The following TAFA2 variants were observed in gnomAD, a reference collection of about 807,000 sequenced individuals.
TAFA2 encodes chemokine-like protein TAFA-2.
Under a neutral mutation model 18.8 loss-of-function variants are expected in TAFA2, and 7 were observed. The ratio of observed to expected loss-of-function variants is 0.37; its 90% CI spans 0.21 to 0.70. The LOEUF (loss-of-function observed/expected upper bound fraction) is 0.70, where lower values mean the gene tolerates loss of function less well. TAFA2 is among the 30% of genes least tolerant of loss of function. The probability of loss-of-function intolerance (pLI) is 0.53; values close to 1 mark genes in which losing one functional copy is unlikely to be tolerated. For synonymous variants in TAFA2, 60 were observed against 54.2 expected (o/e 1.11, Z -0.47); for missense variants, 122 against 158.1 (o/e 0.77, Z 1.23).
chr12:61,920,293 C>T (rs1876996389), intron 1 of TAFA2, among the ~76,000 whole-genome samples: 1 of 152,082 alleles, frequency 6.6e-6, no homozygotes, highest in Non-Finnish European at 1.5e-5. Flanking sequence ...TTAATAGATG[C>T]AGAAAGAAGC....
chr12:61,752,304 T>C (rs1038698303), intron 4 of TAFA2, among the ~76,000 whole-genome samples: 13 of 152,002 alleles, frequency 8.6e-5, no homozygotes, highest in African/African-American at 3.1e-4. Flanking sequence ...AACAAAGAAT[T>C]TGGTTGTCAA....
intron 1 of TAFA2, among the ~76,000 whole-genome samples, chr12:61,877,892 A>C (rs758003509): frequency 1.6e-4 from 22 of 140,962 alleles, no homozygotes; most frequent in Non-Finnish European, 2.9e-4. Flanking sequence ...TGGATAAACA[A>C]ATTGTGATTT....
At chr12:62,247,504 G>A (rs1238351512) in intron 1 of TAFA2, among the ~76,000 whole-genome samples, 1 of 152,078 alleles carries the variant, frequency 6.6e-6, no homozygotes, top group Non-Finnish European at 1.5e-5. Flanking sequence ...CTACTTTACT[G>A]TGCATTACAA....
At chr12:62,000,170 G>T (rs1000951340) in intron 1 of TAFA2, among the ~76,000 whole-genome samples, 2 of 147,720 alleles carry the variant, frequency 1.4e-5, no homozygotes. Context: ...GTTAATAAAT[G>T]TGGCTGTTAT....
At chr12:61,890,612 T>C (rs1160416238) in intron 1 of TAFA2, among the ~76,000 whole-genome samples, 2 of 152,202 alleles carry the variant, frequency 1.3e-5, no homozygotes, top group African/African-American at 4.8e-5. Flanking sequence ...AACAAATAAG[T>C]AGCTACAGGG....
intron 1 of TAFA2, among the ~76,000 whole-genome samples, chr12:62,254,193 C>A (rs918756246): frequency 1.3e-5 from 2 of 152,130 alleles, no homozygotes; most frequent in African/African-American, 4.8e-5. Context: ...AATTTAGTAG[C>A]TGCTCTGGTC....
intron 1 of TAFA2, among the ~76,000 whole-genome samples, chr12:62,034,340 T>G (rs1881544275): frequency 6.6e-6 from 1 of 152,144 alleles, no homozygotes; most frequent in Non-Finnish European, 1.5e-5. Flanking sequence ...AGTCAAATGT[T>G]TATTAGATTT....
intron 2 of TAFA2, among the ~76,000 whole-genome samples, chr12:61,861,073 C>A (rs1184969116): frequency 6.6e-6 from 1 of 151,910 alleles, no homozygotes; most frequent in Admixed American, 6.5e-5. Context: ...ACCTCAACCT[C>A]TGGAGAAGCT....
At chr12:62,109,163 G>GT (rs1383324707) in intron 1 of TAFA2, among the ~76,000 whole-genome samples, 3 of 152,182 alleles carry the variant, frequency 2.0e-5, no homozygotes, top group Non-Finnish European at 4.4e-5. Context: ...TGTATAAGGT[G>GT]TAAGGAAGGG....
chr12:62,174,637 CATCTAAA>C lies in TAFA2; in HGVS notation c.-2+16615_-2+16621del, dbSNP rs1044823331. Among the ~76,000 whole-genome samples the C allele has an allele frequency of 2.7e-4, 41 of 152,212 alleles. 1 individual carries two copies. Among genetic ancestry groups the C allele is most frequent in the East Asian group, 2.3e-3 (12 of 5,178 alleles). On this transcript the variant is annotated intron_variant, in intron 1 of 4. Coordinates refer to ENST00000416284, the MANE Select transcript of TAFA2 (RefSeq NM_178539.5). ...AAGAAAGATAATTTAATAAAGGGTC[CATCTAAA>C]ATTTGAATGCCCTCAAAATAATGCT...
At chr12:61,740,856 G>GAA (rs375897192) in intron 4 of TAFA2, among the ~76,000 whole-genome samples, 46,627 of 143,294 alleles carry the variant, frequency 0.33, 7,408 homozygotes, top group South Asian at 0.38. Context: ...TACTTAATAG[G>GAA]AAAAAAAAAA....
At chr12:62,010,058 C>T (rs973938308) in intron 1 of TAFA2, among the ~76,000 whole-genome samples, 1 of 152,176 alleles carries the variant, frequency 6.6e-6, no homozygotes, top group Admixed American at 6.5e-5. Context: ...TCTCCATTAG[C>T]TTTTACATTT....
At chr12:61,740,561 G>A (rs1868399280) in intron 4 of TAFA2, among the ~76,000 whole-genome samples, 1 of 151,928 alleles carries the variant, frequency 6.6e-6, no homozygotes, top group Non-Finnish European at 1.5e-5. Flanking sequence ...AGTGAAGGAT[G>A]AAAAGTGGCT....
chr12:61,881,016 GAA>G (rs1429471900), intron 1 of TAFA2, among the ~76,000 whole-genome samples: 4 of 151,344 alleles, frequency 2.6e-5, no homozygotes. Context: ...CTATCAAAAA[GAA>G]AAAAGAGTTT....
chr12:61,743,889 G>A (rs997297189), intron 4 of TAFA2, among the ~76,000 whole-genome samples: 1 of 152,046 alleles, frequency 6.6e-6, no homozygotes, highest in African/African-American at 2.4e-5. Context: ...TTTTTAATAG[G>A]AGGTTTGCCA....
intron 4 of TAFA2, among the ~76,000 whole-genome samples, chr12:61,729,008 TC>T (rs1235060215): frequency 1.3e-5 from 2 of 150,584 alleles, no homozygotes; most frequent in Non-Finnish European, 3.0e-5. Flanking sequence ...AAGCTTAGTT[TC>T]ACTGAATACA....
chr12:61,731,480 T>A (rs1870447562), intron 4 of TAFA2, among the ~76,000 whole-genome samples: 1 of 152,230 alleles, frequency 6.6e-6, no homozygotes, highest in Middle Eastern at 3.4e-3. Context: ...AACACATTTT[T>A]TGGCTTAGAC....
intron 1 of TAFA2, among the ~76,000 whole-genome samples, chr12:61,970,186 ATAAC>A (rs147872386): frequency 0.076 from 11,478 of 151,628 alleles, 1,441 homozygotes; most frequent in African/African-American, 0.26. Context: ...GCAAAAAAGA[ATAAC>A]TAAGAAATCA....
chr12:61,929,732 A>C (rs909833052), intron 1 of TAFA2, among the ~76,000 whole-genome samples: 9 of 152,034 alleles, frequency 5.9e-5, no homozygotes, highest in African/African-American at 1.9e-4. Context: ...ACTATTCACA[A>C]TAGCAAAGAC....
Sources: allele counts gnomAD v4.1 joint callset (sites outside exome capture counted in the v4.1 genomes callset), GRCh38; gene constraint gnomAD v4.1.1; transcripts MANE v1.5; gene names NCBI Gene and HGNC (gene_info 2026-07-23, HGNC 2026-07-21).